The following NCOR2 variants were observed in gnomAD, a reference collection of about 807,000 sequenced individuals.
The protein encoded by NCOR2 is CTG repeat protein 26.
A neutral mutation model predicts 262.9 loss-of-function variants in NCOR2; 81 were observed. The observed-to-expected ratio is 0.31, with a 90% CI of 0.26 to 0.37. NCOR2 has a LOEUF of 0.37. Among genes scored for constraint, NCOR2 ranks in the 10% least tolerant of loss-of-function variants. The probability of loss-of-function intolerance (pLI) is 1.00; values close to 1 mark genes in which losing one functional copy is unlikely to be tolerated. For synonymous variants in NCOR2, 1,659 were observed against 1,559.3 expected, an observed-to-expected ratio of 1.06 and a Z score of -1.51; for missense variants, 3,385 against 3,621.4, an observed-to-expected ratio of 0.93 and a Z score of 1.68.
At chr12:124,423,495 G>A (rs2043341287) in intron 11 of NCOR2, among the ~76,000 whole-genome samples, 1 of 152,214 alleles carries the variant, frequency 6.6e-6, no homozygotes, top group Non-Finnish European at 1.5e-5. Context: ...ATCCTGAACA[G>A]TCTCTGCTCT....
chr12:124,528,272 G>A (rs73425627), intron 1 of NCOR2, among the ~76,000 whole-genome samples: 5,097 of 152,266 alleles, frequency 0.033, 281 homozygotes, highest in African/African-American at 0.12. Context: ...TACAATGACC[G>A]GGCAGGCATC....
chr12:124,385,805 G>A, exon 17 of NCOR2: 1 of 1,614,072 alleles, frequency 6.2e-7, no homozygotes, highest in Non-Finnish European at 8.5e-7. Context: ...TGTAGTTGAA[G>A]TAGAAGTTCT....
At chr12:124,562,563 C>A (rs2052106570) in intron 1 of NCOR2, among the ~76,000 whole-genome samples, 8 of 152,210 alleles carry the variant, frequency 5.3e-5, no homozygotes, top group Admixed American at 5.2e-4. Flanking sequence ...CTGCCCATGA[C>A]CTCCAAGCAC....
chr12:124,327,110 C>A (rs1277964614), intron 45 of NCOR2, among the ~76,000 whole-genome samples: 1 of 152,084 alleles, frequency 6.6e-6, no homozygotes, highest in Non-Finnish European at 1.5e-5. Flanking sequence ...CGGGTCCCCG[C>A]AGGGAGGAAG....
chr12:124,332,365 C>T, exon 43 of NCOR2: 2 of 1,614,218 alleles, frequency 1.2e-6, no homozygotes, highest in Non-Finnish European at 1.7e-6. Context: ...TCTTGTTGAT[C>T]TCTTGCTTCT....
chr12:124,399,093 G>A (rs977985384), intron 15 of NCOR2, among the ~76,000 whole-genome samples: 3 of 152,136 alleles, frequency 2.0e-5, no homozygotes, highest in Admixed American at 6.5e-5. Context: ...AACAGAGGCT[G>A]GCTGAGGAGT....
chr12:124,365,524 C>T (rs534537311), intron 20 of NCOR2, among the ~76,000 whole-genome samples: 18 of 152,304 alleles, frequency 1.2e-4, no homozygotes, highest in South Asian at 1.0e-3. Context: ...ATGGGGCCAC[C>T]GGCATGTGAC....
chr12:124,551,789 G>A (rs1487018128), intron 1 of NCOR2, among the ~76,000 whole-genome samples: 2 of 152,156 alleles, frequency 1.3e-5, no homozygotes, highest in Admixed American at 1.3e-4. Flanking sequence ...AGGAGGCGCG[G>A]GCCGTTTTCT....
chr12:124,413,383 A>G (rs1456834708), intron 13 of NCOR2, among the ~76,000 whole-genome samples: 1 of 152,208 alleles, frequency 6.6e-6, no homozygotes, highest in Non-Finnish European at 1.5e-5. Context: ...ATCTGAAGGT[A>G]GAGTCTGACA....
At chr12:124,420,249 G>C (rs1013731652) in intron 12 of NCOR2, among the ~76,000 whole-genome samples, 194 bp from the exon 15 acceptor site, 3 of 152,206 alleles carry the variant, frequency 2.0e-5, no homozygotes, top group Non-Finnish European at 4.4e-5. Context: ...ATACTTCACA[G>C]GATTATCACA....
At chr12:124,367,781 C>T (rs1235775694) in intron 20 of NCOR2, among the ~76,000 whole-genome samples, 3 of 152,296 alleles carry the variant, frequency 2.0e-5, no homozygotes, top group Middle Eastern at 3.4e-3. Context: ...TGCAGGCACA[C>T]GCCACCATAC....
At position 124,330,832 on chromosome 12, in the gene NCOR2, C is replaced by T; in HGVS notation, c.6958+13G>A. On this transcript the variant is annotated intron_variant, in intron 44 of 46. Transcript: ENST00000405201. ...GACCAGGGCAGCCATATAGCAAGGGCTGGATGGGTTACCTGTTCCGGTGAT... is the reference window on the plus strand; with the variant it reads ...GACCAGGGCAGCCATATAGCAAGGGTTGGATGGGTTACCTGTTCCGGTGAT... The T allele has an allele frequency of 6.4e-7, 1 of 1,570,822 alleles. No homozygotes were observed. Among genetic ancestry groups the T allele is most frequent in the South Asian group, 1.2e-5 (1 of 85,258 alleles).
chr12:124,500,625 C>A (rs1208126441), intron 1 of NCOR2, among the ~76,000 whole-genome samples: 4 of 152,196 alleles, frequency 2.6e-5, no homozygotes, highest in Non-Finnish European at 5.9e-5. Flanking sequence ...CAGAAACCAC[C>A]ACACCTGTGT....
chr12:124,426,932 G>A (rs2043584364), intron 10 of NCOR2, 132 bp from the exon 13 acceptor site: 4 of 742,334 alleles, frequency 5.4e-6, no homozygotes, highest in Non-Finnish European at 8.4e-6. Context: ...CCAAGGAGAA[G>A]GAGAATGATG....
At chr12:124,388,634 C>G (rs1436809731) in intron 16 of NCOR2, 3 of 1,301,896 alleles carry the variant, frequency 2.3e-6, no homozygotes, top group Non-Finnish European at 3.0e-6. Flanking sequence ...GTTGCGGTCC[C>G]TGTCCCTGCA....
Position 124,483,490 on chromosome 12 carries a change from C to G in NCOR2, c.411+106G>C, listed in dbSNP as rs1316198396. 1 of 1,271,874 alleles carries G rather than the reference C, an allele frequency of 7.9e-7. No homozygotes were observed. Among genetic ancestry groups the G allele is most frequent in the Non-Finnish European group, 1.0e-6 (1 of 955,328 alleles). 78.8% of individuals were successfully genotyped at this position (1,271,874 alleles called of 1,614,324 possible). ...GCTTGGCCCACCTCCAAGCCTTTGC[C>G]CGAGCTGCCCCCTCCCTGCACCCCT... is the stretch of plus-strand genomic sequence containing the variant. On this transcript the variant is annotated intron_variant, in intron 3 of 46. Coordinates refer to ENST00000405201, the Ensembl canonical transcript of NCOR2. This position sits in a 1 kb window ranked among gnomAD's most constrained non-coding sequence, Gnocchi z 6.3.
intron 17 of NCOR2, among the ~76,000 whole-genome samples, chr12:124,383,733 TCTC>T (rs1219585343): frequency 1.3e-5 from 2 of 152,160 alleles, no homozygotes; most frequent in Non-Finnish European, 2.9e-5. Flanking sequence ...CAACTGTTAT[TCTC>T]CTACCTTACA....
At chr12:124,368,111 G>T (rs1470502432) in intron 20 of NCOR2, among the ~76,000 whole-genome samples, 1 of 152,226 alleles carries the variant, frequency 6.6e-6, no homozygotes, top group African/African-American at 2.4e-5. Flanking sequence ...ATGTGACTTA[G>T]CCAACTGTGC....
intron 41 of NCOR2, among the ~76,000 whole-genome samples, chr12:124,333,949 TGCACGTGTGTGTGTGCGGGTGC>T (rs1313422352): frequency 6.7e-6 from 1 of 148,712 alleles, no homozygotes; most frequent in Non-Finnish European, 1.5e-5. Context: ...TGTGTGGGTG[TGCACGTGTGTGTGTGCGGGTGC>T]GCATGTGTGC....
Sources: gnomAD v4.1 joint callset for allele counts (sites outside exome capture counted in the v4.1 genomes callset) on GRCh38, gnomAD v4.1.1 for gene constraint, Gnocchi (gnomAD v3.1) non-coding constraint, MANE v1.5 for transcripts, NCBI Gene and HGNC (gene_info 2026-07-23, HGNC 2026-07-21) for gene names.